ZNF398: variants seen among roughly 807,000 people sequenced by gnomAD.
ZNF398 encodes zinc finger DNA binding protein ZER6.
A neutral mutation model predicts 41.9 loss-of-function variants in ZNF398; 18 were observed. The ratio of observed to expected loss-of-function variants is 0.43; its 90% CI spans 0.30 to 0.64. The LOEUF is 0.64. Among genes scored for constraint, ZNF398 ranks in the 30% least tolerant of loss-of-function variants. The pLI, the probability that ZNF398 is intolerant of heterozygous loss-of-function variation, is 0.14. For missense variants in ZNF398, 669 were observed against 822.8 expected, an observed-to-expected ratio of 0.81 and a Z score of 2.29; for synonymous variants, 260 against 308.8, an observed-to-expected ratio of 0.84 and a Z score of 1.66.
At chr7:149,158,925 A>C (rs893329052) in intron 2 of ZNF398, among the ~76,000 whole-genome samples, 5 of 152,128 alleles carry the variant, frequency 3.3e-5, no homozygotes, top group Non-Finnish European at 5.9e-5. Context: ...AGTGGTTAAC[A>C]GTTAAACTGT....
intron 2 of ZNF398, among the ~76,000 whole-genome samples, chr7:149,157,685 A>G (rs917628203): frequency 1.3e-5 from 2 of 151,334 alleles, no homozygotes; most frequent in African/African-American, 2.4e-5. Context: ...TAAAAGTACA[A>G]AAATTAGCTG....
intron 1 of ZNF398, among the ~76,000 whole-genome samples, chr7:149,151,840 A>G (rs966506039): frequency 1.4e-5 from 2 of 146,876 alleles, no homozygotes; most frequent in Admixed American, 1.4e-4. Context: ...AGGCTGGAGT[A>G]CAGTAGCAGA....
intron 1 of ZNF398, among the ~76,000 whole-genome samples, chr7:149,150,479 G>A (rs1827082939): frequency 6.6e-6 from 1 of 151,958 alleles, no homozygotes; most frequent in Non-Finnish European, 1.5e-5. Context: ...TGTGCCTGTG[G>A]TCCCGGCTAC....
intron 4 of ZNF398, among the ~76,000 whole-genome samples, chr7:149,175,852 T>A (rs1795450345): frequency 6.6e-6 from 1 of 151,770 alleles, no homozygotes. Flanking sequence ...GCCTGACTAA[T>A]TTTTTTTATT....
At position 149,154,440 on chromosome 7, in the gene ZNF398, G is replaced by A; in HGVS notation, c.420+100G>A. ...CTTAGATTTTTTATTTCCTTTTAAAGTTTCTTAAAATATCTCAGTCTGAAA... is the reference window on the plus strand; with the variant it reads ...CTTAGATTTTTTATTTCCTTTTAAAATTTCTTAAAATATCTCAGTCTGAAA... On this transcript the variant is annotated intron_variant, in intron 2 of 5. Coordinates refer to ENST00000475153, the MANE Select transcript of ZNF398 (RefSeq NM_170686.3). The A allele has an allele frequency of 4.5e-6, 6 of 1,325,672 alleles. No homozygotes were observed. The South Asian group carries it at 9.6e-5, about 21-fold the overall frequency. The allele number at this position is 1,325,672 out of a possible 1,614,324, so 82.1% of individuals were successfully genotyped here.
intron 2 of ZNF398, among the ~76,000 whole-genome samples, chr7:149,139,054 G>A (rs1057349332): frequency 1.3e-5 from 2 of 152,050 alleles, no homozygotes; most frequent in East Asian, 1.9e-4. Context: ...GGGACTACAG[G>A]AGCACGCCAC....
chr7:149,151,365 T>C, intron 1 of ZNF398: 2 of 669,662 alleles, frequency 3.0e-6, no homozygotes, highest in Non-Finnish European at 4.1e-6. Context: ...AACGGGCAGA[T>C]ACCAGGAGCA....
At chr7:149,166,691 G>T in intron 3 of ZNF398, 126 bp from the exon 4 acceptor site, 1 of 632,090 alleles carries the variant, frequency 1.6e-6, no homozygotes. Context: ...GGGAAGAAGT[G>T]ATATGAAATC....
intron 4 of ZNF398, among the ~76,000 whole-genome samples, chr7:149,172,833 TA>T (rs1484550318): frequency 6.6e-6 from 1 of 152,200 alleles, no homozygotes; most frequent in Non-Finnish European, 1.5e-5. Context: ...ACAGTACAAG[TA>T]ACAATAACTT....
Position 149,179,768 on chromosome 7 carries a change from G to A in ZNF398, c.1896G>A (p.Trp632Ter). The change falls in exon 6 of 6, where the codon TGG becomes TGA. Residue 632 changes from tryptophan (W) to a stop codon, truncating the protein, a stop_gained. Transcript: ENST00000475153. LOFTEE classifies it high-confidence loss of function. The surrounding 1 kb of genome is among the most constrained non-coding windows in gnomAD (Gnocchi z 6.1). ...CTGAAGGTCTAGAGACCAACCAGTG[G>A]TATGGGGAAGGGAGTGGAGGGGGAG... is the stretch of plus-strand genomic sequence containing the variant. ...VNTEGLETNQ[W>*]YGEGSGGGVL 6.2e-7 allele frequency: 1 copy of A among 1,602,808 alleles called. No individual in the cohort carries two copies. Among genetic ancestry groups the A allele is most frequent in the Non-Finnish European group, 8.5e-7 (1 of 1,172,686 alleles).
chr7:149,159,995 G>A (rs1267886989), intron 2 of ZNF398, among the ~76,000 whole-genome samples: 5 of 151,966 alleles, frequency 3.3e-5, no homozygotes, highest in African/African-American at 1.2e-4. Flanking sequence ...CAAAGTTCTG[G>A]GACTACAGGT....
intron 2 of ZNF398, among the ~76,000 whole-genome samples, chr7:149,157,316 C>T (rs964937359): frequency 2.0e-5 from 3 of 151,740 alleles, no homozygotes; most frequent in African/African-American, 4.8e-5. Flanking sequence ...GGGCGGATCA[C>T]GAGGTCAGGA....
chr7:149,174,912 C>G (rs1163101901), intron 4 of ZNF398, among the ~76,000 whole-genome samples: 1 of 151,308 alleles, frequency 6.6e-6, no homozygotes, highest in Non-Finnish European at 1.5e-5. Context: ...TTCCTTATAT[C>G]CAGTCTTTCC....
At chr7:149,178,316 G>A (rs988938531) in intron 5 of ZNF398, among the ~76,000 whole-genome samples, 2 of 152,030 alleles carry the variant, frequency 1.3e-5, no homozygotes, top group African/African-American at 4.8e-5. Flanking sequence ...ACCTGAGCAC[G>A]GTAGTGCATG....
intron 1 of ZNF398, among the ~76,000 whole-genome samples, chr7:149,150,491 C>G (rs527615386): frequency 2.6e-5 from 4 of 152,032 alleles, no homozygotes; most frequent in African/African-American, 7.2e-5. Flanking sequence ...CCCGGCTACT[C>G]GGGAGGCTGA....
intron 4 of ZNF398, among the ~76,000 whole-genome samples, chr7:149,173,043 A>G (rs1326411368): frequency 1.3e-5 from 2 of 149,274 alleles, no homozygotes; most frequent in Non-Finnish European, 3.0e-5. Flanking sequence ...ATGGCTGCTG[A>G]CTAATCCGGG....
intron 2 of ZNF398, among the ~76,000 whole-genome samples, chr7:149,138,649 T>TTG (rs71192758): frequency 6.6e-6 from 1 of 152,004 alleles, no homozygotes; most frequent in African/African-American, 2.4e-5. Flanking sequence ...TAAATAAATA[T>TTG]TGTGTGTGTG....
At chr7:149,151,367 C>A (rs1827109297) in intron 1 of ZNF398, 3 of 647,710 alleles carry the variant, frequency 4.6e-6, no homozygotes, top group Non-Finnish European at 6.3e-6. Flanking sequence ...CGGGCAGATA[C>A]CAGGAGCAAA....
Position 149,179,372 on chromosome 7 carries a change from C to A in ZNF398, c.1500C>A (p.Arg500=). ...TCAACGGCCACTCGGCCCTGATCCG[C>A]CACCAGATGATCCACACAGGCGAGC... ...IDFNGHSALI[R]HQMIHTGERP... Residue 500 remains arginine, a synonymous_variant, in exon 6 of 6, where the codon CGC becomes CGA. Coordinates refer to ENST00000475153, the MANE Select transcript of ZNF398 (RefSeq NM_170686.3). The surrounding 1 kb of genome is among the most constrained non-coding windows in gnomAD (Gnocchi z 6.1). 6.2e-7 allele frequency: 1 copy of A among 1,612,968 alleles called. No individual in the cohort carries two copies. Among genetic ancestry groups the A allele is most frequent in the Non-Finnish European group, 8.5e-7 (1 of 1,179,832 alleles).
Sources: gnomAD v4.1 joint callset for allele counts (sites outside exome capture counted in the v4.1 genomes callset) on GRCh38, gnomAD v4.1.1 for gene constraint, Gnocchi (gnomAD v3.1) non-coding constraint, MANE v1.5 for transcripts, NCBI Gene and HGNC (gene_info 2026-07-23, HGNC 2026-07-21) for gene names.